NEGR1: variants seen among roughly 807,000 people sequenced by gnomAD.
NEGR1 encodes IgLON family member 4.
In NEGR1, 10 loss-of-function variants were observed where a neutral mutation model predicts 40.9. The ratio of observed to expected loss-of-function variants is 0.24; its 90% CI spans 0.15 to 0.42. The LOEUF is 0.42. Ranked by LOEUF, NEGR1 falls within the 10% of genes least tolerant of loss-of-function variation. The pLI is 1.00. For synonymous variants in NEGR1, 185 were observed against 166.8 expected (o/e 1.11, Z -0.84); for missense variants, 352 against 438.9 (o/e 0.80, Z 1.77).
intron 1 of NEGR1, among the ~76,000 whole-genome samples, chr1:72,270,700 T>C (rs1172930434): frequency 6.6e-6 from 1 of 151,886 alleles, no homozygotes; most frequent in Admixed American, 6.6e-5. Flanking sequence ...TTCTTTCCAT[T>C]TCTCACTTAT....
rs184076794 is a variant in NEGR1 at position 71,668,331 on chromosome 1, G to A, written c.667+29677C>T. On this transcript the variant is annotated intron_variant, in intron 4 of 6. Coordinates refer to ENST00000357731, the MANE Select transcript of NEGR1 (RefSeq NM_173808.3). Reference sequence around the variant, plus strand: ...GAGCCAGGTAATTAAAGCCTGTGCCGTTCCCTGGGTAGCAGTGGAAGCAGC... The same window carrying A: ...GAGCCAGGTAATTAAAGCCTGTGCCATTCCCTGGGTAGCAGTGGAAGCAGC... 6.6e-5 allele frequency among the ~76,000 whole-genome samples: 10 copies of A among 152,244 alleles called. No homozygotes were observed. The East Asian group carries it at 7.7e-4, about 12-fold the overall frequency.
rs568213809 is a variant in NEGR1 at position 72,256,732 on chromosome 1, TAGAGA to T, written c.176+25582_176+25586del. Among the ~76,000 whole-genome samples the T allele has an allele frequency of 2.0e-5, 3 of 152,312 alleles. No individual in the cohort carries two copies. The East Asian group carries it at 5.8e-4, about 29-fold the overall frequency. On this transcript the variant is annotated intron_variant, in intron 1 of 6. Transcript: ENST00000357731. ...TGTTATCAAATTTTGTTTACCTTAT[TAGAGA>T]ATACAGCTTAACTATATAAATTTGA...
intron 2 of NEGR1, among the ~76,000 whole-genome samples, chr1:71,909,331 T>C (rs1661362796): frequency 6.6e-6 from 1 of 152,176 alleles, no homozygotes; most frequent in African/African-American, 2.4e-5. Flanking sequence ...AAAGAAAAAG[T>C]ATGGAAAAAC....
intron 1 of NEGR1, among the ~76,000 whole-genome samples, chr1:72,142,351 G>A (rs974372019): frequency 5.3e-5 from 8 of 151,854 alleles, no homozygotes; most frequent in Admixed American, 1.3e-4. Context: ...TTTCACATAA[G>A]TAAACCAATT....
intron 2 of NEGR1, among the ~76,000 whole-genome samples, chr1:71,790,423 C>G (rs548489048): frequency 1.3e-5 from 2 of 152,166 alleles, no homozygotes; most frequent in African/African-American, 4.8e-5. Context: ...TAGTAACACA[C>G]AGATGTTATT....
intron 3 of NEGR1, 86 bp downstream of exon 3, chr1:71,776,086 A>C (rs1481554863): frequency 1.2e-6 from 1 of 868,398 alleles, no homozygotes; most frequent in Non-Finnish European, 1.6e-6. Context: ...AATTAAGTTG[A>C]CTCTTAAGTT....
chr1:71,614,392 T>G (rs1650373310), intron 4 of NEGR1, among the ~76,000 whole-genome samples: 1 of 152,072 alleles, frequency 6.6e-6, no homozygotes, highest in South Asian at 2.1e-4. Context: ...ATTTCATAAT[T>G]TTAAAATTGT....
At chr1:72,263,864 T>C (rs910517750) in intron 1 of NEGR1, among the ~76,000 whole-genome samples, 1 of 151,538 alleles carries the variant, frequency 6.6e-6, no homozygotes, top group African/African-American at 2.4e-5. Context: ...AAAAGATTAA[T>C]TTTCAATATA....
At position 71,935,287 on chromosome 1, in the gene NEGR1, T is replaced by G; in HGVS notation, c.201A>C (p.Ser67=). The G allele has an allele frequency of 6.2e-7, 1 of 1,613,554 alleles. No homozygotes were observed. The highest frequency in any genetic ancestry group is 1.1e-5 in the South Asian group (1 of 91,072). The change falls in exon 2 of 7, where the codon TCA becomes TCC. Residue 67 remains serine (S), a synonymous_variant. Coordinates refer to ENST00000357731, the MANE Select transcript of NEGR1 (RefSeq NM_173808.3). The part of the protein sequence containing the change: ...VLRCYLEDGA[S]KGAWLNRSSI... ...TTGACCGGTTCAGCCAGGCACCCTT[T>G]GAAGCTCCATCTTCCAAATAACACC...
chr1:71,952,516 G>C (rs944808309), intron 1 of NEGR1, among the ~76,000 whole-genome samples: 3 of 151,978 alleles, frequency 2.0e-5, no homozygotes, highest in African/African-American at 7.2e-5. Context: ...TTTAAGAAAA[G>C]AAGCTGTCTC....
At chr1:71,423,924 T>C (rs1448897042) in intron 6 of NEGR1, among the ~76,000 whole-genome samples, 2 of 149,462 alleles carry the variant, frequency 1.3e-5, no homozygotes, top group Non-Finnish European at 3.0e-5. Context: ...GAGCCGCAAA[T>C]TTCTATAGGC....
intron 1 of NEGR1, among the ~76,000 whole-genome samples, chr1:72,128,678 T>C (rs1337567782): frequency 1.3e-5 from 2 of 152,190 alleles, no homozygotes; most frequent in Non-Finnish European, 2.9e-5. Context: ...ACTATTATAA[T>C]GGTTAATGTA....
intron 4 of NEGR1, among the ~76,000 whole-genome samples, chr1:71,691,475 C>T (rs1455009850): frequency 6.6e-6 from 1 of 151,556 alleles, no homozygotes; most frequent in African/African-American, 2.4e-5. Context: ...CCTCATATCT[C>T]TTTTGGTTGG....
intron 1 of NEGR1, among the ~76,000 whole-genome samples, chr1:72,131,682 C>T (rs1650255228): frequency 6.6e-6 from 1 of 152,090 alleles, no homozygotes; most frequent in Non-Finnish European, 1.5e-5. Flanking sequence ...TTCAAGATAA[C>T]CTTATAATGT....
chr1:71,511,658 A>G (rs1054016523), intron 6 of NEGR1, among the ~76,000 whole-genome samples: 2 of 152,200 alleles, frequency 1.3e-5, no homozygotes, highest in African/African-American at 4.8e-5. Context: ...GAATCATCTG[A>G]TAGGAACTGC....
At chr1:72,271,607 A>T (rs753809885) in intron 1 of NEGR1, among the ~76,000 whole-genome samples, 7 of 151,950 alleles carry the variant, frequency 4.6e-5, no homozygotes, top group Non-Finnish European at 7.4e-5. Context: ...AAGAAGGAAG[A>T]TATACACTTG....
intron 1 of NEGR1, among the ~76,000 whole-genome samples, chr1:72,141,508 A>T (rs1650676709): frequency 6.6e-6 from 1 of 151,974 alleles, no homozygotes; most frequent in African/African-American, 2.4e-5. Context: ...ATGAGTTATC[A>T]TCTTCTTAAA....
intron 4 of NEGR1, among the ~76,000 whole-genome samples, chr1:71,691,878 T>C (rs1653294969): frequency 6.6e-6 from 1 of 151,616 alleles, no homozygotes; most frequent in South Asian, 2.1e-4. Context: ...TTTCTTTTTT[T>C]TTTTTTAATT....
At chr1:72,158,460 T>C (rs576536361) in intron 1 of NEGR1, among the ~76,000 whole-genome samples, 1 of 152,214 alleles carries the variant, frequency 6.6e-6, no homozygotes, top group South Asian at 2.1e-4. Context: ...CTGCCTCAAA[T>C]AGTCTTACAC....
Sources: allele counts gnomAD v4.1 joint callset (sites outside exome capture counted in the v4.1 genomes callset), GRCh38; gene constraint gnomAD v4.1.1; transcripts MANE v1.5; gene names NCBI Gene and HGNC (gene_info 2026-07-23, HGNC 2026-07-21).